Variants in TRPC4AP observed in about 807,000 individuals in gnomAD.
TRPC4AP encodes the protein transient receptor potential cation channel subfamily C member 4 associated protein, also known as short transient receptor potential channel 4-associated protein.
TRPC4AP carries 45 observed loss-of-function variants against 99.0 expected under a neutral mutation model. The observed-to-expected ratio is 0.45, with a 90% CI of 0.36 to 0.58. TRPC4AP has a LOEUF of 0.58. Ranked by LOEUF, TRPC4AP falls within the 20% of genes least tolerant of loss-of-function variation. The pLI is 0.00. For synonymous variants in TRPC4AP, 408 were observed against 385.8 expected (o/e 1.06, Z -0.67); for missense variants, 879 against 985.3 (o/e 0.89, Z 1.44).
At chr20:35,057,472 C>CA (rs1362245986) in intron 4 of TRPC4AP, 42 bp downstream of exon 4, 1 of 1,544,150 alleles carries the variant, frequency 6.5e-7, no homozygotes, top group South Asian at 1.1e-5. Flanking sequence ...ACCGTATCGG[C>CA]AGGTTGGAAA....
intron 1 of TRPC4AP, among the ~76,000 whole-genome samples, chr20:35,086,109 A>T (rs2146039682): frequency 7.4e-6 from 1 of 134,354 alleles, no homozygotes; most frequent in East Asian, 2.5e-4. Context: ...GGCACGCACC[A>T]CCACGCCCGG....
chr20:35,021,865 C>G (rs1346640371), intron 8 of TRPC4AP, among the ~76,000 whole-genome samples: 1 of 152,244 alleles, frequency 6.6e-6, no homozygotes, highest in African/African-American at 2.4e-5. Context: ...GTTCAACTTT[C>G]TAAAGCAGAC....
At chr20:35,056,316 G>C (rs1360713502) in intron 4 of TRPC4AP, among the ~76,000 whole-genome samples, 1 of 152,136 alleles carries the variant, frequency 6.6e-6, no homozygotes, top group Non-Finnish European at 1.5e-5. Flanking sequence ...ATCTACTCTA[G>C]AGCAGATACA....
At chr20:35,070,877 A>C (rs566866280) in intron 2 of TRPC4AP, among the ~76,000 whole-genome samples, 1 of 152,334 alleles carries the variant, frequency 6.6e-6, no homozygotes, top group Admixed American at 6.5e-5. Flanking sequence ...AAGAGGAAAA[A>C]AAATCTTACA....
chr20:35,079,099 C>G (rs567188787), intron 1 of TRPC4AP, among the ~76,000 whole-genome samples: 1 of 152,078 alleles, frequency 6.6e-6, no homozygotes, highest in South Asian at 2.1e-4. Context: ...AAAGATAAAT[C>G]ACATAAAAAG....
rs2084207599 is a variant in TRPC4AP, at chr20:35,068,627, T to C, written c.414+669A>G. Among the ~76,000 whole-genome samples, 3 of 152,050 alleles carry C rather than the reference T, an allele frequency of 2.0e-5. No individual in the cohort carries two copies. The South Asian group carries it at 6.2e-4, about 31-fold the overall frequency. Reference sequence around the variant, plus strand: ...ACCTCTGCCTCCCGGCTTCAAGCAATTCTCCTGCCTCAGCCTCCTGAGTAG... The same window carrying C: ...ACCTCTGCCTCCCGGCTTCAAGCAACTCTCCTGCCTCAGCCTCCTGAGTAG... On this transcript the variant is annotated intron_variant, in intron 3 of 18. Coordinates refer to ENST00000252015, the MANE Select transcript of TRPC4AP (RefSeq NM_015638.3).
At chr20:35,005,516 T>C (rs958884447) in intron 16 of TRPC4AP, among the ~76,000 whole-genome samples, 179 bp downstream of exon 16, 1 of 152,212 alleles carries the variant, frequency 6.6e-6, no homozygotes, top group Non-Finnish European at 1.5e-5. Context: ...TTTCACCTTA[T>C]TAAAGTGTTG....
intron 5 of TRPC4AP, among the ~76,000 whole-genome samples, chr20:35,051,445 C>A (rs954706819): frequency 1.3e-5 from 2 of 152,062 alleles, no homozygotes; most frequent in African/African-American, 4.8e-5. Context: ...ATCACTGGGA[C>A]TACAGGCGTG....
chr20:35,005,587 T>A, intron 16 of TRPC4AP, 108 bp downstream of exon 16: 1 of 1,063,062 alleles, frequency 9.4e-7, no homozygotes, highest in South Asian at 1.5e-5. Context: ...CACGTGGGCA[T>A]CTGGTGCAGC....
chr20:35,026,054 T>C (rs374808046), intron 8 of TRPC4AP, among the ~76,000 whole-genome samples: 1 of 152,168 alleles, frequency 6.6e-6, no homozygotes, highest in Non-Finnish European at 1.5e-5. Flanking sequence ...CAATGAATGG[T>C]CTTGGTACCC....
intron 4 of TRPC4AP, among the ~76,000 whole-genome samples, chr20:35,055,760 CAGACTCATT>C (rs1038203035): frequency 5.4e-4 from 82 of 152,344 alleles, no homozygotes; most frequent in African/African-American, 1.6e-3. Context: ...CCATTTTTAT[CAGACTCATT>C]AACTGAGCAT....
chr20:35,080,025 A>AAG (rs1473984157), intron 1 of TRPC4AP, among the ~76,000 whole-genome samples: 1 of 151,512 alleles, frequency 6.6e-6, no homozygotes, highest in African/African-American at 2.4e-5. Flanking sequence ...AAAAAAAAAA[A>AAG]AAAAAAAGAC....
chr20:35,091,716 C>A (rs779326038), intron 1 of TRPC4AP, among the ~76,000 whole-genome samples: 5 of 152,142 alleles, frequency 3.3e-5, no homozygotes, highest in Non-Finnish European at 7.4e-5. Context: ...TCAAAAATAA[C>A]AATAATCATA....
chr20:35,008,285 C>A (rs1350975190), intron 13 of TRPC4AP, among the ~76,000 whole-genome samples: 2 of 152,184 alleles, frequency 1.3e-5, no homozygotes, highest in Admixed American at 1.3e-4. Flanking sequence ...AGCCCCCAGC[C>A]CTAGCAGCGG....
chr20:35,055,449 A>C (rs901218338), intron 4 of TRPC4AP, among the ~76,000 whole-genome samples: 19 of 152,208 alleles, frequency 1.2e-4, no homozygotes, highest in Non-Finnish European at 2.1e-4. Context: ...GTTTGTATTA[A>C]ACTAGTTCCT....
chr20:35,090,573 C>T (rs558077611), intron 1 of TRPC4AP, among the ~76,000 whole-genome samples: 75 of 152,140 alleles, frequency 4.9e-4, no homozygotes, highest in Non-Finnish European at 9.6e-4. Context: ...GGGGCTTCGC[C>T]ATGTTGGCCA....
intron 4 of TRPC4AP, among the ~76,000 whole-genome samples, 182 bp downstream of exon 4, chr20:35,057,332 C>T (rs551631180): frequency 6.6e-6 from 1 of 152,270 alleles, no homozygotes; most frequent in African/African-American, 2.4e-5. Context: ...TGAATTTCTA[C>T]GCAGTACAGA....
chr20:35,069,328 T>C lies in TRPC4AP; in HGVS notation c.382A>G (p.Thr128Ala). 3.7e-6 allele frequency: 6 copies of C among 1,610,386 alleles called. No homozygotes were observed. Among genetic ancestry groups the C allele is most frequent in the Non-Finnish European group, 5.1e-6 (6 of 1,176,846 alleles). ...CCTCCAAACAAGTCAAAAATGTAAG[T>C]ATTTGGATAAGTGGTTTCTTGGGTA... ...KLTQETTYPN[T>A]YIFDLFGGVD... Residue 128 changes from threonine (T) to alanine (A), a missense_variant, in exon 3 of 19, where the codon ACT becomes GCT. Transcript: ENST00000252015.
rs987919769 is a variant in TRPC4AP, at chr20:35,060,606, A to C, written c.415-3035T>G. Among the ~76,000 whole-genome samples, 4 of 147,686 alleles carry C rather than the reference A, an allele frequency of 2.7e-5. No individual in the cohort carries two copies. In the East Asian group the frequency reaches 5.9e-4, roughly 22 times the overall value. Reference sequence around the variant, plus strand: ...TCTCCAAAAAAAAAAAAAAAAAAAAAAAAACAAGAAAAGGATTATACACCA... The same window carrying C: ...TCTCCAAAAAAAAAAAAAAAAAAAACAAAACAAGAAAAGGATTATACACCA... On this transcript the variant is annotated intron_variant, in intron 3 of 18. Coordinates refer to ENST00000252015, the MANE Select transcript of TRPC4AP (RefSeq NM_015638.3).
Sources: allele counts gnomAD v4.1 joint callset (sites outside exome capture counted in the v4.1 genomes callset), GRCh38; gene constraint gnomAD v4.1.1; transcripts MANE v1.5; gene names NCBI Gene and HGNC (gene_info 2026-07-23, HGNC 2026-07-21).